Variants in ATP11A observed in about 807,000 individuals in gnomAD.
ATP11A encodes phospholipid-transporting ATPase IH.
ATP11A carries 81 observed loss-of-function variants against 154.4 expected under a neutral mutation model. That is an observed-to-expected ratio of 0.52 (90% CI 0.44 to 0.63). The LOEUF (loss-of-function observed/expected upper bound fraction) is 0.63. Among genes scored for constraint, ATP11A ranks in the 30% least tolerant of loss-of-function variants. ATP11A has a pLI of 0.00. For synonymous variants in ATP11A, 623 were observed against 585.9 expected (o/e 1.06, Z -0.91); for missense variants, 1,316 against 1,474.3 (o/e 0.89, Z 1.76).
intron 25 of ATP11A, among the ~76,000 whole-genome samples, chr13:112,866,652 C>CTTTTTTTTTTTTTTTTTTTT (rs369657144): frequency 6.8e-6 from 1 of 146,428 alleles, no homozygotes; most frequent in South Asian, 2.2e-4. Flanking sequence ...TGGGTGACTT[C>CTTTTTTTTTTTTTTTTTTTT]TAAACAGAAA....
rs1475460605 is a variant in ATP11A, at chr13:112,873,484, C to T, written c.3058-89C>T. On this transcript the variant is annotated intron_variant, in intron 26 of 29. Transcript: ENST00000375645. ...GGGTCTTGCGTTTGGTTTAGTTTCT[C>T]GTCACCCCCCGGCTCTCTGTCCTGC... 1.2e-5 allele frequency: 12 copies of T among 995,540 alleles called. No homozygotes were observed. In the Admixed American group the frequency reaches 1.9e-4, roughly 16 times the overall value. The allele number at this position is 995,540 out of a possible 1,614,324, so 61.7% of individuals were successfully genotyped here.
At chr13:112,765,785 A>G (rs1380273082) in intron 1 of ATP11A, among the ~76,000 whole-genome samples, 2 of 152,254 alleles carry the variant, frequency 1.3e-5, no homozygotes, top group Admixed American at 6.5e-5. Flanking sequence ...AGTGGATCTG[A>G]AAGATGCTCA....
chr13:112,714,975 A>G (rs1227504910), intron 1 of ATP11A, among the ~76,000 whole-genome samples: 4 of 151,940 alleles, frequency 2.6e-5, no homozygotes, highest in Admixed American at 2.6e-4. Flanking sequence ...GCCCCATTCA[A>G]CTTTCTGTCT....
At chr13:112,850,387 C>T (rs757172400) in intron 17 of ATP11A, among the ~76,000 whole-genome samples, 61 of 152,152 alleles carry the variant, frequency 4.0e-4, no homozygotes, top group Non-Finnish European at 6.9e-4. Flanking sequence ...ATCTGTAAAC[C>T]GCCCCCTGTG....
chr13:112,762,379 G>C (rs550611704), intron 1 of ATP11A, among the ~76,000 whole-genome samples: 36 of 152,136 alleles, frequency 2.4e-4, no homozygotes, highest in Non-Finnish European at 4.7e-4. Flanking sequence ...GGACCTGAAA[G>C]GCCGCTGTTG....
intron 5 of ATP11A, among the ~76,000 whole-genome samples, chr13:112,814,839 C>A (rs1350297008): frequency 1.3e-5 from 2 of 152,200 alleles, no homozygotes; most frequent in African/African-American, 4.8e-5. Flanking sequence ...ATTCTAGAGC[C>A]TGTGCCTTCC....
chr13:112,822,422 C>A (rs1189181842), intron 8 of ATP11A, among the ~76,000 whole-genome samples: 8 of 152,006 alleles, frequency 5.3e-5, no homozygotes. Context: ...GCTTGTTTTC[C>A]CCCCAAAGCA....
intron 1 of ATP11A, among the ~76,000 whole-genome samples, chr13:112,776,451 C>T (rs757806612): frequency 1.6e-4 from 24 of 152,182 alleles, no homozygotes; most frequent in Non-Finnish European, 3.2e-4. Flanking sequence ...AGGCAGGTGT[C>T]TATGCTGCGT....
chr13:112,832,970 T>G lies in ATP11A; in HGVS notation c.1506T>G (p.Cys502Trp). The change falls in exon 14 of 30, where the codon TGT becomes TGG. Residue 502 changes from cysteine to tryptophan, a missense_variant. Coordinates refer to ENST00000375645, the MANE Select transcript of ATP11A (RefSeq NM_015205.3). ...PRKSPDGGKS[C>W]VYISSSPDEV... ...AATCGCCGGACGGGGGGAAATCCTG[T>G]GTGTACATCTCATCCTCGCCCGACG... 6.2e-7 allele frequency: 1 copy of G among 1,613,808 alleles called. No homozygotes were observed.
rs1460420527 is a variant in ATP11A, at chr13:112,696,900, G to A, written c.39+6445G>A. ...CCCTTGGAATGGGGGAGGCGAACAGGAAACCACCACAGTGAGTGTTGGGGT... is the reference window on the plus strand; with the variant it reads ...CCCTTGGAATGGGGGAGGCGAACAGAAAACCACCACAGTGAGTGTTGGGGT... On this transcript the variant is annotated intron_variant, in intron 1 of 29. Coordinates refer to ENST00000375645, the MANE Select transcript of ATP11A (RefSeq NM_015205.3). This position sits in a 1 kb window ranked among gnomAD's most constrained non-coding sequence, Gnocchi z 6.2. 3 of 152,468 alleles carry A rather than the reference G, an allele frequency of 2.0e-5. No homozygotes were observed. Among genetic ancestry groups the A allele is most frequent in the Admixed American group, 2.0e-4 (3 of 15,288 alleles). The allele number at this position is 152,468 out of a possible 1,614,324, so 9.4% of individuals were successfully genotyped here.
At position 112,724,476 on chromosome 13, in the gene ATP11A, G is replaced by A. The variant is rs78927323; in HGVS notation, c.39+34021G>A. ...GGTCCACTGGGAGCCCCCTGTCCCC[G>A]TGGAGCTGTCACGTGGCCCTCCTCC... is the stretch of plus-strand genomic sequence containing the variant. On this transcript the variant is annotated intron_variant, in intron 1 of 29. Coordinates refer to ENST00000375645, the MANE Select transcript of ATP11A (RefSeq NM_015205.3). 1.9e-3 allele frequency among the ~76,000 whole-genome samples: 272 copies of A among 144,124 alleles called. 5 individuals are homozygous for A. In the East Asian group the frequency reaches 0.029, roughly 15 times the overall value. The allele number at this position is 144,124 out of a possible 152,430, so 94.6% of individuals were successfully genotyped here. A position where few individuals can be genotyped will look rare whatever the true frequency, so the allele number is the denominator to read the frequency against.
At chr13:112,735,128 T>C (rs1229129839) in intron 1 of ATP11A, among the ~76,000 whole-genome samples, 1 of 152,128 alleles carries the variant, frequency 6.6e-6, no homozygotes, top group Non-Finnish European at 1.5e-5. Flanking sequence ...AAAGGAAATC[T>C]CCATCTGGGT....
chr13:112,772,210 TCTATATA>T (rs1424612860), intron 1 of ATP11A, among the ~76,000 whole-genome samples: 1 of 152,248 alleles, frequency 6.6e-6, no homozygotes, highest in Non-Finnish European at 1.5e-5. Flanking sequence ...TCAACAGTGC[TCTATATA>T]CTATATATAA....
At chr13:112,789,899 G>A (rs140654481) in intron 2 of ATP11A, among the ~76,000 whole-genome samples, 4,072 of 151,530 alleles carry the variant, frequency 0.027, 188 homozygotes, top group African/African-American at 0.093. Flanking sequence ...CCCCTGTGGA[G>A]ACCTACTTAA....
intron 17 of ATP11A, among the ~76,000 whole-genome samples, chr13:112,845,968 A>G (rs2079595348): frequency 6.6e-6 from 1 of 152,132 alleles, no homozygotes; most frequent in Admixed American, 6.5e-5. Flanking sequence ...GGTTGTTTCC[A>G]GTTGGGGCTG....
intron 1 of ATP11A, among the ~76,000 whole-genome samples, chr13:112,759,756 A>G (rs1331079968): frequency 3.3e-5 from 5 of 152,166 alleles, no homozygotes; most frequent in African/African-American, 1.2e-4. Context: ...CTATTTTGCC[A>G]AGAAGACAGA....
At chr13:112,715,722 C>T (rs1464757968) in intron 1 of ATP11A, among the ~76,000 whole-genome samples, 1 of 151,340 alleles carries the variant, frequency 6.6e-6, no homozygotes, top group Non-Finnish European at 1.5e-5. Flanking sequence ...ACAACCCTAA[C>T]CTGTGCCTTT....
intron 26 of ATP11A, among the ~76,000 whole-genome samples, chr13:112,873,190 G>T (rs9549314): frequency 1.0e-4 from 10 of 98,002 alleles, no homozygotes; most frequent in Admixed American, 6.5e-4. Context: ...TTCCTGAGCG[G>T]TGTGAGGTGT....
At chr13:112,775,680 C>T (rs979102155) in intron 1 of ATP11A, among the ~76,000 whole-genome samples, 2 of 151,852 alleles carry the variant, frequency 1.3e-5, no homozygotes, top group Non-Finnish European at 2.9e-5. Flanking sequence ...TTCCTTACTC[C>T]AGTTTTCTGC....
Sources: allele counts gnomAD v4.1 joint callset (sites outside exome capture counted in the v4.1 genomes callset), GRCh38; gene constraint gnomAD v4.1.1; non-coding constraint Gnocchi (gnomAD v3.1); transcripts MANE v1.5; gene names NCBI Gene and HGNC (gene_info 2026-07-23, HGNC 2026-07-21).